The following PCDH9 variants were observed in gnomAD, a reference collection of about 807,000 sequenced individuals.
The protein encoded by PCDH9 is protocadherin-9.
A neutral mutation model predicts 70.6 loss-of-function variants in PCDH9; 24 were observed. The observed-to-expected ratio is 0.34, with a 90% CI of 0.25 to 0.48. PCDH9 has a LOEUF of 0.48. Among genes scored for constraint, PCDH9 ranks in the 20% least tolerant of loss-of-function variants. The probability of loss-of-function intolerance (pLI) is 0.99; values close to 1 mark genes in which losing one functional copy is unlikely to be tolerated. For synonymous variants in PCDH9, 562 were observed against 558.5 expected, an observed-to-expected ratio of 1.01 and a Z score of -0.09; for missense variants, 1,281 against 1,503.6, an observed-to-expected ratio of 0.85 and a Z score of 2.45.
At chr13:66,985,203 CT>C (rs1245995145) in intron 2 of PCDH9, among the ~76,000 whole-genome samples, 1 of 152,022 alleles carries the variant, frequency 6.6e-6, no homozygotes, top group Non-Finnish European at 1.5e-5. Context: ...TATGCTCAAC[CT>C]TGACAAGAAT....
intron 3 of PCDH9, among the ~76,000 whole-genome samples, chr13:66,776,975 G>A (rs892374418): frequency 1.4e-4 from 21 of 151,024 alleles, no homozygotes; most frequent in South Asian, 6.4e-4. Context: ...AAATAACGCC[G>A]CATATCTACA....
intron 4 of PCDH9, among the ~76,000 whole-genome samples, chr13:66,622,787 C>G (rs1448381919): frequency 1.3e-5 from 2 of 152,186 alleles, no homozygotes; most frequent in East Asian, 1.9e-4. Context: ...CAGTGGCAAT[C>G]CGCGCTGGTG....
At chr13:66,951,786 T>A (rs973756867) in intron 2 of PCDH9, among the ~76,000 whole-genome samples, 4 of 152,220 alleles carry the variant, frequency 2.6e-5, no homozygotes, top group African/African-American at 9.6e-5. Flanking sequence ...GGAGGTTACA[T>A]GTTCCTTTCT....
chr13:67,084,117 T>C (rs1358500316), intron 2 of PCDH9, among the ~76,000 whole-genome samples: 2 of 152,150 alleles, frequency 1.3e-5, no homozygotes, highest in Non-Finnish European at 2.9e-5. Flanking sequence ...AAGAAGGTAA[T>C]AGCAGCTTGA....
At chr13:66,476,766 G>T (rs564280177) in intron 4 of PCDH9, among the ~76,000 whole-genome samples, 2 of 152,036 alleles carry the variant, frequency 1.3e-5, no homozygotes, top group African/African-American at 4.8e-5. Flanking sequence ...TCACAAACCA[G>T]GAGTGTTATC....
intron 3 of PCDH9, among the ~76,000 whole-genome samples, chr13:66,762,504 C>A (rs2139253443): frequency 6.6e-6 from 1 of 152,120 alleles, no homozygotes; most frequent in South Asian, 2.1e-4. Flanking sequence ...CATTGCACTT[C>A]CTGGGTTGGT....
chr13:66,452,492 A>C (rs1958233768), intron 4 of PCDH9, among the ~76,000 whole-genome samples: 1 of 152,062 alleles, frequency 6.6e-6, no homozygotes, highest in African/African-American at 2.4e-5. Flanking sequence ...TATTTCTTGA[A>C]GATCCTTTCT....
chr13:66,765,107 T>G (rs2079693805), intron 3 of PCDH9, among the ~76,000 whole-genome samples: 1 of 151,744 alleles, frequency 6.6e-6, no homozygotes, highest in Non-Finnish European at 1.5e-5. Context: ...TGTATCTTTC[T>G]CTCTCTCTTT....
chr13:66,468,960 T>A (rs2027099), intron 4 of PCDH9, among the ~76,000 whole-genome samples: 91,725 of 151,968 alleles, frequency 0.6, 28,336 homozygotes, highest in East Asian at 0.85. Flanking sequence ...AAAAGTACTA[T>A]TCTGGAAGCC....
intron 4 of PCDH9, among the ~76,000 whole-genome samples, chr13:66,616,484 C>CTTTTTTTTTTTTTTTTTTTTTTTTTTT (rs60587237): frequency 8.6e-6 from 1 of 116,672 alleles, no homozygotes; most frequent in Non-Finnish European, 1.7e-5. Flanking sequence ...TTCTAAAATT[C>CTTTTTTTTTTTTTTTTTTTTTTTTTTT]TTTTTTTTTT....
At chr13:67,160,576 ATT>A (rs34756420) in intron 2 of PCDH9, among the ~76,000 whole-genome samples, 16,159 of 149,158 alleles carry the variant, frequency 0.11, 948 homozygotes, top group Middle Eastern at 0.14. Flanking sequence ...CTCAAAGGCT[ATT>A]TTTTTTTTTT....
In PCDH9 at chr13:66,735,952, A is replaced by C. The variant is rs543416848; in HGVS notation, c.3139-104541T>G. 3.3e-5 allele frequency among the ~76,000 whole-genome samples: 5 copies of C among 152,022 alleles called. No homozygotes were observed. In the East Asian group the frequency reaches 9.7e-4, roughly 29 times the overall value. On this transcript the variant is annotated intron_variant, in intron 3 of 4. Transcript: ENST00000377865. ...GCACTCCAGCCTGGATGACAGAGTG[A>C]GATTCTGTCTCAAAAAAAAAAAATT...
At position 67,185,072 on chromosome 13, in the gene PCDH9, A is replaced by G. The variant is rs2088717540; in HGVS notation, c.3036+40333T>C. Among the ~76,000 whole-genome samples, 2 of 152,326 alleles carry G rather than the reference A, an allele frequency of 1.3e-5. 1 individual carries two copies. Among genetic ancestry groups the G allele is most frequent in the East Asian group, 3.9e-4 (2 of 5,174 alleles). ...CAATGCCCTGGAGAGCAGTGAGTGA[A>G]TGTTGCACTAATATTTGATCTACTA... On this transcript the variant is annotated intron_variant, in intron 2 of 4. Coordinates refer to ENST00000377865, the MANE Select transcript of PCDH9 (RefSeq NM_203487.3).
At chr13:66,743,672 T>C (rs1372409451) in intron 3 of PCDH9, among the ~76,000 whole-genome samples, 1 of 152,000 alleles carries the variant, frequency 6.6e-6, no homozygotes, top group Non-Finnish European at 1.5e-5. Flanking sequence ...AAAACAAATA[T>C]GAGTAACACA....
At chr13:66,315,365 C>T (rs1955632434) in intron 4 of PCDH9, among the ~76,000 whole-genome samples, 1 of 152,188 alleles carries the variant, frequency 6.6e-6, no homozygotes, top group Admixed American at 6.5e-5. Flanking sequence ...TGCTATAAGT[C>T]TCTAAATTTG....
chr13:66,521,608 C>A (rs1220173046), intron 4 of PCDH9, among the ~76,000 whole-genome samples: 1 of 152,082 alleles, frequency 6.6e-6, no homozygotes, highest in Non-Finnish European at 1.5e-5. Context: ...CCTCAGGACA[C>A]TGATAACACC....
In PCDH9 at chr13:67,168,571, TA is replaced by T. The variant is rs11392542; in HGVS notation, c.3036+56833del. Among the ~76,000 whole-genome samples the T allele has an allele frequency of 2.3e-3, 337 of 147,078 alleles. 2 individuals are homozygous for T. Among genetic ancestry groups the T allele is most frequent in the African/African-American group, 7.3e-3 (294 of 40,232 alleles). On this transcript the variant is annotated intron_variant, in intron 2 of 4. Transcript: ENST00000377865. ...GTGAGACCCCATTTCTACAAAATGT[TA>T]AAAAAAAAAATTAGCCAGGCATGGT... is the stretch of plus-strand genomic sequence containing the variant.
At chr13:66,943,361 T>C (rs2083036849) in intron 2 of PCDH9, among the ~76,000 whole-genome samples, 1 of 152,036 alleles carries the variant, frequency 6.6e-6, no homozygotes, top group Admixed American at 6.6e-5. Context: ...AGTAGGACAA[T>C]GAAAGATTAG....
chr13:66,802,320 G>A (rs1426899820), intron 3 of PCDH9, among the ~76,000 whole-genome samples: 1 of 151,770 alleles, frequency 6.6e-6, no homozygotes, highest in East Asian at 1.9e-4. Flanking sequence ...TGAACAGTCA[G>A]GCACATATAA....
Sources: gnomAD v4.1 joint callset for allele counts (sites outside exome capture counted in the v4.1 genomes callset) on GRCh38, gnomAD v4.1.1 for gene constraint, MANE v1.5 for transcripts, NCBI Gene and HGNC (gene_info 2026-07-23, HGNC 2026-07-21) for gene names.